Variants in BBS5 observed in about 807,000 individuals in gnomAD.
BBS5 encodes the protein BBSome complex member BBS5.
BBS5 carries 39 observed loss-of-function variants against 50.2 expected under a neutral mutation model. The observed-to-expected ratio is 0.78, with a 90% confidence interval of 0.60 to 1.01. The LOEUF is 1.01. Among genes scored for constraint, BBS5 ranks in the 50% least tolerant of loss-of-function variants. The probability of loss-of-function intolerance (pLI) is 0.00; values close to 1 mark genes in which losing one functional copy is unlikely to be tolerated. For missense variants in BBS5, 356 were observed against 401.5 expected (o/e 0.89, Z 0.97); for synonymous variants, 134 against 133.1 (o/e 1.01, Z -0.05).
At chr2:169,493,894 A>C (rs921140236) in intron 7 of BBS5, 58 bp downstream of exon 7, 2 of 1,218,332 alleles carry the variant, frequency 1.6e-6, no homozygotes, top group Admixed American at 3.6e-5. Context: ...TTTTTGTTCA[A>C]TAGTTAATTG....
chr2:169,484,084 T>C (rs1035048803), intron 2 of BBS5, among the ~76,000 whole-genome samples: 2 of 152,226 alleles, frequency 1.3e-5, no homozygotes, highest in South Asian at 2.1e-4. Context: ...CCTGAAATCC[T>C]ACTATTAATA....
chr2:169,488,062 A>C lies in BBS5; in HGVS notation c.334A>C (p.Asn112His). ...TACTCGTTTTGAATTTATATTTACA[A>C]ATTTGGTTCCTGGAAGCCCTAGACT... The part of the protein sequence containing the change: ...NSTRFEFIFT[N>H]LVPGSPRLFT... Residue 112 changes from asparagine to histidine, a missense_variant, in exon 5 of 12, where the codon AAT becomes CAT. By Grantham distance (68) the Asn-to-His change is moderately conservative. Transcript: ENST00000295240. 1 of 1,613,624 alleles carries C rather than the reference A, an allele frequency of 6.2e-7. No homozygotes were observed. Among genetic ancestry groups the C allele is most frequent in the Non-Finnish European group, 8.5e-7 (1 of 1,179,608 alleles).
chr2:169,501,865 T>A (rs1683810445), intron 9 of BBS5, among the ~76,000 whole-genome samples: 2 of 152,242 alleles, frequency 1.3e-5, no homozygotes, highest in South Asian at 4.1e-4. Flanking sequence ...ACGCATTCTC[T>A]AATTTTCGTT....
At chr2:169,496,401 A>C (rs1410122295) in intron 7 of BBS5, among the ~76,000 whole-genome samples, 1 of 152,132 alleles carries the variant, frequency 6.6e-6, no homozygotes, top group East Asian at 1.9e-4. Context: ...TTAAAACTTA[A>C]ATATTTTATA....
Position 169,488,004 on chromosome 2 carries a change from T to G in BBS5, c.276T>G (p.Thr92=). 1 of 1,613,820 alleles carries G rather than the reference T, an allele frequency of 6.2e-7. No individual in the cohort carries two copies. The highest frequency in any genetic ancestry group is 8.5e-7 in the Non-Finnish European group (1 of 1,179,816). Residue 92 remains threonine, a synonymous_variant, in exon 5 of 12, where the codon ACT becomes ACG. Transcript: ENST00000295240. The part of the protein sequence containing the change: ...RTANSKLRGQ[T]EALYILTKCN... ...CCTTACAGAAATTACGAGGCCAAAC[T>G]GAAGCTCTCTATATACTAACAAAAT...
chr2:169,485,697 C>A (rs1392089437), intron 2 of BBS5, among the ~76,000 whole-genome samples: 1 of 152,208 alleles, frequency 6.6e-6, no homozygotes, highest in African/African-American at 2.4e-5. Flanking sequence ...CTTCTCCACC[C>A]TTTTCCCCTT....
At chr2:169,483,994 TATTC>T (rs1683446424) in intron 2 of BBS5, among the ~76,000 whole-genome samples, 1 of 152,164 alleles carries the variant, frequency 6.6e-6, no homozygotes, top group Non-Finnish European at 1.5e-5. Flanking sequence ...ATTCCTCAGA[TATTC>T]ATTGAGCGCA....
In BBS5 at chr2:169,504,303, G is replaced by C; in HGVS notation, c.901G>C (p.Ala301Pro). The change falls in exon 11 of 12, where the codon GCT becomes CCT. Residue 301 changes from alanine to proline, a missense_variant and splice_region_variant. Physicochemically the swap from Ala to Pro is conservative, Grantham distance 27. Coordinates refer to ENST00000295240, the MANE Select transcript of BBS5 (RefSeq NM_152384.3). ...AAATAGAATTTTCTTTGTCTTACAG[G>C]CTTATTTTGCTGATGGCAATAAGGT... ...DSDGHTDAFVAYFADGNKQQD... is the reference protein window; with the variant it reads ...DSDGHTDAFVPYFADGNKQQD... The C allele has an allele frequency of 6.2e-7, 1 of 1,612,844 alleles. No homozygotes were observed. The highest frequency in any genetic ancestry group is 2.2e-5 in the East Asian group (1 of 44,820).
At chr2:169,489,643 AAAT>A (rs1273842032) in intron 5 of BBS5, among the ~76,000 whole-genome samples, 1 of 150,434 alleles carries the variant, frequency 6.6e-6, no homozygotes, top group African/African-American at 2.4e-5. Context: ...GTTGTTTACT[AAAT>A]TCTTCTCTTT....
chr2:169,504,995 C>G lies in BBS5; in HGVS notation c.*413C>G. Reference sequence around the variant, plus strand: ...CAAGGGAGCTGATAAAGAACTTCTTCCCAAAATGGCCGAAGCTGGACTGTA... The same window carrying G: ...CAAGGGAGCTGATAAAGAACTTCTTGCCAAAATGGCCGAAGCTGGACTGTA... On this transcript the variant is annotated 3_prime_UTR_variant, in exon 12 of 12. Transcript: ENST00000295240. The G allele has an allele frequency of 6.2e-7, 1 of 1,610,788 alleles. No homozygotes were observed. The highest frequency in any genetic ancestry group is 1.1e-5 in the South Asian group (1 of 91,068).
chr2:169,494,358 A>T (rs1170236846), intron 7 of BBS5, among the ~76,000 whole-genome samples: 21 of 152,200 alleles, frequency 1.4e-4, no homozygotes. Context: ...TTCATACCAC[A>T]GGTTTAGTGA....
At chr2:169,501,097 C>A (rs889841250) in intron 9 of BBS5, among the ~76,000 whole-genome samples, 1 of 152,190 alleles carries the variant, frequency 6.6e-6, no homozygotes, top group African/African-American at 2.4e-5. Flanking sequence ...ATAAGATACA[C>A]CAGGACTTGG....
chr2:169,491,553 TAATC>T (rs1683601167), intron 5 of BBS5, among the ~76,000 whole-genome samples: 1 of 152,230 alleles, frequency 6.6e-6, no homozygotes, highest in African/African-American at 2.4e-5. Flanking sequence ...ATATTAAAAT[TAATC>T]AAAAGTTAAT....
intron 2 of BBS5, 56 bp from the exon 3 acceptor site, chr2:169,487,013 G>A: frequency 2.6e-6 from 3 of 1,150,828 alleles, no homozygotes; most frequent in Non-Finnish European, 4.0e-6. Context: ...CTCATTCAGT[G>A]CTGCAAAAAT....
In BBS5 at chr2:169,504,304, C is replaced by T. The variant is rs2105304210; in HGVS notation, c.902C>T (p.Ala301Val). ...AATAGAATTTTCTTTGTCTTACAGG[C>T]TTATTTTGCTGATGGCAATAAGGTA... is the stretch of plus-strand genomic sequence containing the variant. ...DSDGHTDAFV[A>V]YFADGNKQQD... Residue 301 changes from alanine (A) to valine (V), a missense_variant and splice_region_variant, in exon 11 of 12, where the codon GCT becomes GTT. Coordinates refer to ENST00000295240, the MANE Select transcript of BBS5 (RefSeq NM_152384.3). 6.2e-7 allele frequency: 1 copy of T among 1,612,852 alleles called. No individual in the cohort carries two copies. Among genetic ancestry groups the T allele is most frequent in the Non-Finnish European group, 8.5e-7 (1 of 1,178,928 alleles).
chr2:169,487,300 GT>G (rs1683503144), intron 3 of BBS5, among the ~76,000 whole-genome samples, 166 bp downstream of exon 3: 1 of 152,004 alleles, frequency 6.6e-6, no homozygotes, highest in Admixed American at 6.6e-5. Context: ...TATTATTTTG[GT>G]TTGTCCATTT....
At chr2:169,494,298 G>A (rs1039291715) in intron 7 of BBS5, among the ~76,000 whole-genome samples, 13 of 152,218 alleles carry the variant, frequency 8.5e-5, no homozygotes, top group Admixed American at 3.9e-4. Context: ...TTAATTCTGC[G>A]AATGAACTGC....
At chr2:169,490,279 C>T (rs1299414732) in intron 5 of BBS5, among the ~76,000 whole-genome samples, 3 of 148,372 alleles carry the variant, frequency 2.0e-5, no homozygotes, top group Admixed American at 6.7e-5. Context: ...CTGCAAGCTC[C>T]GCCTCCCGGG....
chr2:169,484,470 T>G (rs1222339920), intron 2 of BBS5, among the ~76,000 whole-genome samples: 9 of 152,194 alleles, frequency 5.9e-5, no homozygotes, highest in Non-Finnish European at 8.8e-5. Context: ...GCAGCGCTTC[T>G]GGTCATTAAG....
Sources: allele counts gnomAD v4.1 joint callset (sites outside exome capture counted in the v4.1 genomes callset), GRCh38; gene constraint gnomAD v4.1.1; transcripts MANE v1.5; gene names NCBI Gene and HGNC (gene_info 2026-07-23, HGNC 2026-07-21).